TRPV1: variants seen among roughly 807,000 people sequenced by gnomAD.
The protein encoded by TRPV1 is OTRPC1.
In TRPV1, 82 loss-of-function variants were observed where a neutral mutation model predicts 82.3. The observed-to-expected ratio is 1.00, with a 90% CI of 0.83 to 1.20. The LOEUF (loss-of-function observed/expected upper bound fraction) is 1.20, where lower values mean the gene tolerates loss of function less well. Among genes scored for constraint, TRPV1 ranks in the 50% most tolerant of loss-of-function variants. The probability of loss-of-function intolerance (pLI) is 0.00; values close to 1 mark genes in which losing one functional copy is unlikely to be tolerated. For synonymous variants in TRPV1, 515 were observed against 467.7 expected (o/e 1.10, Z -1.30); for missense variants, 1,067 against 1,096.8 (o/e 0.97, Z 0.38).
intron 8 of TRPV1, among the ~76,000 whole-genome samples, chr17:3,586,206 C>T (rs1050715071): frequency 1.2e-4 from 19 of 152,206 alleles, no homozygotes; most frequent in Non-Finnish European, 2.6e-4. Context: ...CTTAATGGCC[C>T]ACCGCACTGC....
At position 3,571,572 on chromosome 17, in the gene TRPV1, A is replaced by T; in HGVS notation, c.2299T>A (p.Cys767Ser). ...CTCAGGGTGCGCTTGACGCCCTCAC[A>T]GTTGCCCGGGTCTTCGTTGATGATG... is the stretch of plus-strand genomic sequence containing the variant. ...VGIINEDPGN[C>S]EGVKRTLSFS... The change falls in exon 16 of 17, where the codon TGT becomes AGT. Residue 767 changes from cysteine (C) to serine (S), a missense_variant. Coordinates refer to ENST00000572705, the MANE Select transcript of TRPV1 (RefSeq NM_080704.4). 1.2e-6 allele frequency: 2 copies of T among 1,612,542 alleles called. No individual in the cohort carries two copies. Among genetic ancestry groups the T allele is most frequent in the Non-Finnish European group, 1.7e-6 (2 of 1,179,358 alleles).
intron 10 of TRPV1, among the ~76,000 whole-genome samples, chr17:3,582,179 G>T: frequency 1.6e-5 from 1 of 60,942 alleles, no homozygotes; most frequent in Admixed American, 2.8e-4. Context: ...GAAAGAGTGA[G>T]ACTCCATCTC....
At chr17:3,585,689 G>A (rs936946338) in intron 9 of TRPV1, 79 bp downstream of exon 9, 73 of 1,509,914 alleles carry the variant, frequency 4.8e-5, no homozygotes, top group East Asian at 2.5e-5. Flanking sequence ...GCCTGGGGTC[G>A]GGGAGGTCTC....
chr17:3,596,263 G>A (rs1432170482), intron 2 of TRPV1, among the ~76,000 whole-genome samples: 1 of 151,618 alleles, frequency 6.6e-6, no homozygotes, highest in Non-Finnish European at 1.5e-5. Flanking sequence ...ACAACATGGG[G>A]TGTGGCTCCC....
In TRPV1 at chr17:3,577,277, G is replaced by A. The variant is rs549039078; in HGVS notation, c.1714-85C>T. 29 of 1,435,980 alleles carry A rather than the reference G, an allele frequency of 2.0e-5. No individual in the cohort carries two copies. In the East Asian group the frequency reaches 6.5e-4, roughly 32 times the overall value. The allele number at this position is 1,435,980 out of a possible 1,614,324, so 89.0% of individuals were successfully genotyped here. A position where few individuals can be genotyped will look rare whatever the true frequency, so the allele number is the denominator to read the frequency against. ...GGCCGGGCCGCATCGGCCTGGGGAT[G>A]CGTCTTGAGAACGTGCAGGGCGGTT... On this transcript the variant is annotated intron_variant, in intron 12 of 16. Transcript: ENST00000572705.
At chr17:3,592,737 G>A (rs1250117709) in intron 2 of TRPV1, 4 of 208,718 alleles carry the variant, frequency 1.9e-5, no homozygotes, top group South Asian at 1.0e-4. Context: ...TAACCACCGC[G>A]CTGCCTCCCT....
intron 2 of TRPV1, among the ~76,000 whole-genome samples, chr17:3,597,317 T>C (rs733080): frequency 0.4 from 60,487 of 152,118 alleles, 15,411 homozygotes; most frequent in African/African-American, 0.73. Context: ...GCTCGGCCTC[T>C]CAAACCTGTG....
chr17:3,599,640 T>C (rs2075247497), intron 2 of TRPV1, among the ~76,000 whole-genome samples: 1 of 149,840 alleles, frequency 6.7e-6, no homozygotes, highest in Non-Finnish European at 1.5e-5. Flanking sequence ...TTCTTTTTTT[T>C]TTTTTCGAGA....
intron 16 of TRPV1, among the ~76,000 whole-genome samples, chr17:3,570,487 G>A (rs2074838388): frequency 6.6e-6 from 1 of 152,054 alleles, no homozygotes; most frequent in Non-Finnish European, 1.5e-5. Context: ...GCAAGTTTTA[G>A]GAGATAGATA....
Position 3,591,258 on chromosome 17 carries a change from C to G in TRPV1, c.380G>C (p.Cys127Ser), listed in dbSNP as rs750593953. Reference sequence around the variant, plus strand: ...GAGCAGCAGGCTCTCCAGATCCTGGCAGTTATTCTGAGCAACGGCTTCAAA... The same window carrying G: ...GAGCAGCAGGCTCTCCAGATCCTGGGAGTTATTCTGAGCAACGGCTTCAAA... ...SIFEAVAQNN[C>S]QDLESLLLFL... is the part of the protein sequence containing the mutation. Residue 127 changes from cysteine (C) to serine (S), a missense_variant, in exon 4 of 17, where the codon TGC becomes TCC. Physicochemically the swap from Cys to Ser is moderately radical, Grantham distance 112. Coordinates refer to ENST00000572705, the MANE Select transcript of TRPV1 (RefSeq NM_080704.4). 5.0e-6 allele frequency: 8 copies of G among 1,613,286 alleles called. No individual in the cohort carries two copies. Among genetic ancestry groups the G allele is most frequent in the Non-Finnish European group, 5.1e-6 (6 of 1,179,826 alleles).
intron 2 of TRPV1, among the ~76,000 whole-genome samples, chr17:3,603,763 T>C (rs1470937103): frequency 6.6e-6 from 1 of 152,216 alleles, no homozygotes; most frequent in Non-Finnish European, 1.5e-5. Context: ...TAATGTTTGA[T>C]GAGTCACGCA....
chr17:3,599,099 C>T (rs1185816537), intron 2 of TRPV1, among the ~76,000 whole-genome samples: 4 of 151,476 alleles, frequency 2.6e-5, no homozygotes, highest in Non-Finnish European at 4.4e-5. Flanking sequence ...ATTAGCTGGG[C>T]GTGGTTGTGG....
rs570675849 is a variant in TRPV1 at position 3,575,907 on chromosome 17, G to C, written c.1780+1219C>G. ...AAATTCTGAGGTCGCAAATGACAAG[G>C]AATGATGCAGGAAGTGCCCTGGATT... On this transcript the variant is annotated intron_variant, in intron 13 of 16. Coordinates refer to ENST00000572705, the MANE Select transcript of TRPV1 (RefSeq NM_080704.4). Among the ~76,000 whole-genome samples, 6 of 152,278 alleles carry C rather than the reference G, an allele frequency of 3.9e-5. No homozygotes were observed. The South Asian group carries it at 1.2e-3, about 32-fold the overall frequency.
intron 14 of TRPV1, among the ~76,000 whole-genome samples, chr17:3,572,915 A>T (rs571246878): frequency 1.4e-5 from 2 of 146,438 alleles, no homozygotes; most frequent in Non-Finnish European, 3.0e-5. Flanking sequence ...GTCGGGAGGC[A>T]GAGGTTGCAG....
intron 16 of TRPV1, among the ~76,000 whole-genome samples, chr17:3,568,821 C>A (rs957824218): frequency 2.0e-5 from 3 of 152,140 alleles, no homozygotes; most frequent in African/African-American, 7.2e-5. Context: ...GTGCGCAGAT[C>A]ACCTGAGATC....
In TRPV1 at chr17:3,582,682, G is replaced by A. The variant is rs1035488677; in HGVS notation, c.1476+656C>T. 2.0e-5 allele frequency among the ~76,000 whole-genome samples: 3 copies of A among 151,964 alleles called. No individual in the cohort carries two copies. The East Asian group carries it at 5.8e-4, about 29-fold the overall frequency. On this transcript the variant is annotated intron_variant, in intron 10 of 16. Coordinates refer to ENST00000572705, the MANE Select transcript of TRPV1 (RefSeq NM_080704.4). ...TTAAAAATAAAACAATTCCTTGCTG[G>A]TGTGGTGGCTCACGCCTGTAATCCC... is the stretch of plus-strand genomic sequence containing the variant.
rs200235328 is a variant in TRPV1 at position 3,577,594 on chromosome 17, C to T, written c.1713+4G>A. On this transcript the variant is annotated splice_donor_region_variant and intron_variant, in intron 12 of 16. Coordinates refer to ENST00000572705, the MANE Select transcript of TRPV1 (RefSeq NM_080704.4). ...GGAGACCCACTGGGGCCCAGGGAAC[C>T]CACCTTCTCTATCATGACGGCATAG... 32 of 1,571,260 alleles carry T rather than the reference C, an allele frequency of 2.0e-5. No individual in the cohort carries two copies. The South Asian group carries it at 3.2e-4, about 16-fold the overall frequency.
rs1567671429 is a variant in TRPV1 at position 3,591,322 on chromosome 17, T to C, written c.316A>G (p.Thr106Ala). The part of the protein sequence containing the change: ...LLSQDSVAAS[T>A]EKTLRLYDRR... ...TCATAGAGCCTGAGGGTCTTCTCGGTGCTGGCGGCGACAGAGTCCTGGGAC... is the reference window on the plus strand; with the variant it reads ...TCATAGAGCCTGAGGGTCTTCTCGGCGCTGGCGGCGACAGAGTCCTGGGAC... Residue 106 changes from threonine to alanine, a missense_variant, in exon 4 of 17, where the codon ACC becomes GCC. Coordinates refer to ENST00000572705, the MANE Select transcript of TRPV1 (RefSeq NM_080704.4). The C allele has an allele frequency of 2.5e-6, 4 of 1,598,314 alleles. No individual in the cohort carries two copies. Among genetic ancestry groups the C allele is most frequent in the Non-Finnish European group, 3.4e-6 (4 of 1,173,912 alleles).
intron 8 of TRPV1, among the ~76,000 whole-genome samples, chr17:3,586,434 C>A (rs892304794): frequency 1.3e-5 from 2 of 152,226 alleles, no homozygotes; most frequent in Non-Finnish European, 2.9e-5. Flanking sequence ...GCCATCATTA[C>A]AAGTATGCTT....
Sources: allele counts gnomAD v4.1 joint callset (sites outside exome capture counted in the v4.1 genomes callset), GRCh38; gene constraint gnomAD v4.1.1; transcripts MANE v1.5; gene names NCBI Gene and HGNC (gene_info 2026-07-23, HGNC 2026-07-21).